Variants in PTPRE observed in about 807,000 individuals in gnomAD.
PTPRE encodes the protein receptor-type tyrosine-protein phosphatase epsilon.
PTPRE carries 51 observed loss-of-function variants against 102.0 expected under a neutral mutation model. That is an observed-to-expected ratio of 0.50 (90% CI 0.40 to 0.63). The LOEUF (loss-of-function observed/expected upper bound fraction) is 0.63, where lower values mean the gene tolerates loss of function less well. PTPRE is among the 30% of genes least tolerant of loss of function. PTPRE has a pLI of 0.00. For synonymous variants in PTPRE, 345 were observed against 348.2 expected (o/e 0.99, Z 0.10); for missense variants, 752 against 915.1 (o/e 0.82, Z 2.30).
intron 2 of PTPRE, among the ~76,000 whole-genome samples, chr10:127,994,525 C>A (rs1395431141): frequency 6.6e-6 from 1 of 152,164 alleles, no homozygotes; most frequent in South Asian, 2.1e-4. Flanking sequence ...GAGAGAGGCA[C>A]CCAGTGAATT....
At chr10:127,946,535 C>G (rs184164535) in intron 1 of PTPRE, among the ~76,000 whole-genome samples, 1 of 113,178 alleles carries the variant, frequency 8.8e-6, no homozygotes, top group Non-Finnish European at 2.0e-5. Flanking sequence ...CATCAGACCT[C>G]GCAGGCTGGC....
At chr10:128,081,557 C>T (rs1168359864) in intron 20 of PTPRE, among the ~76,000 whole-genome samples, 1 of 152,192 alleles carries the variant, frequency 6.6e-6, no homozygotes, top group South Asian at 2.1e-4. Flanking sequence ...CCAGACTGAG[C>T]CAGCTTTGAT....
chr10:128,049,010 G>T (rs1378194334), intron 5 of PTPRE, among the ~76,000 whole-genome samples: 1 of 152,122 alleles, frequency 6.6e-6, no homozygotes, highest in African/African-American at 2.4e-5. Context: ...AATGCCCCTT[G>T]TCACCCTCCC....
chr10:127,951,170 A>T (rs957014380), intron 1 of PTPRE, among the ~76,000 whole-genome samples: 1 of 152,220 alleles, frequency 6.6e-6, no homozygotes, highest in Non-Finnish European at 1.5e-5. Flanking sequence ...CTTTCAGGTC[A>T]ACTGCACAAA....
At chr10:128,060,628 T>G (rs1849501938) in intron 7 of PTPRE, among the ~76,000 whole-genome samples, 1 of 152,166 alleles carries the variant, frequency 6.6e-6, no homozygotes, top group Admixed American at 6.5e-5. Flanking sequence ...CCTGGCACAT[T>G]CTGCTATTCT....
intron 11 of PTPRE, 136 bp from the exon 12 acceptor site, chr10:128,067,987 A>T: frequency 3.1e-6 from 3 of 967,698 alleles, no homozygotes; most frequent in Non-Finnish European, 4.5e-6. Flanking sequence ...TGGCTCAGGC[A>T]GGCCCTCTGT....
At chr10:128,064,549 G>C (rs2135974148) in intron 10 of PTPRE, among the ~76,000 whole-genome samples, 1 of 152,304 alleles carries the variant, frequency 6.6e-6, no homozygotes, top group Admixed American at 6.5e-5. Flanking sequence ...GTGACCCATG[G>C]CCCATAGGGA....
chr10:127,988,850 A>T (rs1293042341), intron 2 of PTPRE, among the ~76,000 whole-genome samples: 1 of 152,230 alleles, frequency 6.6e-6, no homozygotes, highest in Non-Finnish European at 1.5e-5. Context: ...AAAACTGCTT[A>T]TTATGTTGCA....
At chr10:127,988,703 G>T (rs145987584) in intron 2 of PTPRE, among the ~76,000 whole-genome samples, 1 of 152,146 alleles carries the variant, frequency 6.6e-6, no homozygotes, top group African/African-American at 2.4e-5. Flanking sequence ...GGAGAGCAAG[G>T]GTTGAAAGAC....
At chr10:128,080,983 A>C (rs1851662977) in intron 20 of PTPRE, among the ~76,000 whole-genome samples, 1 of 152,082 alleles carries the variant, frequency 6.6e-6, no homozygotes, top group Non-Finnish European at 1.5e-5. Flanking sequence ...TTCTGTTCAC[A>C]AGGAGTGTTC....
intron 1 of PTPRE, among the ~76,000 whole-genome samples, chr10:127,922,454 G>T (rs933582187): frequency 7.2e-5 from 11 of 152,364 alleles, no homozygotes; most frequent in African/African-American, 2.6e-4. Context: ...ATCGAGGGCC[G>T]CTCTGAGGTC....
rs1443714204 is a variant in PTPRE at position 127,997,690 on chromosome 10, A to G, written c.-8+15394A>G. Among the ~76,000 whole-genome samples, 4 of 152,368 alleles carry G rather than the reference A, an allele frequency of 2.6e-5. No individual in the cohort carries two copies. The East Asian group carries it at 7.7e-4, about 29-fold the overall frequency. On this transcript the variant is annotated intron_variant, in intron 2 of 20. Transcript: ENST00000254667. ...GAACAAAGCATATTCAAAAATGAAT[A>G]TGGCAAAAGTTCAAATGAATGTGAA...
chr10:127,946,388 T>TTGCACCTGTGCACACTTGCTC lies in PTPRE; in HGVS notation c.-30-35886_-30-35885insTGCACCTGTGCACACTTGCTC, dbSNP rs1554896648. Among the ~76,000 whole-genome samples, 589 of 148,766 alleles carry TTGCACCTGTGCACACTTGCTC rather than the reference T, an allele frequency of 4.0e-3. 8 individuals carry two copies. Among genetic ancestry groups the TTGCACCTGTGCACACTTGCTC allele is most frequent in the South Asian group, 8.1e-3 (37 of 4,554 alleles). ...ATTTTGGGGCAAATAAGTAAGGATA[T>TTGCACCTGTGCACACTTGCTC]ATATACAAGGATGTTTATTGCGGCA... is the stretch of plus-strand genomic sequence containing the variant. On this transcript the variant is annotated intron_variant, in intron 1 of 20. Coordinates refer to ENST00000254667, the MANE Select transcript of PTPRE (RefSeq NM_006504.6).
chr10:128,072,111 TA>T (rs1181337315), intron 15 of PTPRE, 26 bp from the exon 16 acceptor site: 1 of 1,605,016 alleles, frequency 6.2e-7, no homozygotes, highest in Non-Finnish European at 8.5e-7. Flanking sequence ...CTTTTTGTAA[TA>T]ACTAAAGGAA....
chr10:128,070,738 T>G lies in PTPRE; in HGVS notation c.1294-70T>G, dbSNP rs1032572023. 6.4e-5 allele frequency: 97 copies of G among 1,507,576 alleles called. No homozygotes were observed. The highest frequency in any genetic ancestry group is 8.5e-5 in the Non-Finnish European group (93 of 1,093,712). The allele number at this position is 1,507,576 out of a possible 1,614,324, so 93.4% of individuals were successfully genotyped here. A position where few individuals can be genotyped will look rare whatever the true frequency, so the allele number is the denominator to read the frequency against. On this transcript the variant is annotated intron_variant, in intron 14 of 20. Transcript: ENST00000254667. The surrounding 1 kb of genome is among the most constrained non-coding windows in gnomAD (Gnocchi z 4.8). ...CAGGCGTCCTTGCCAGCAGCACTAGTCCTCGGCTGAGCAATGTGCTCAGGA... is the reference window on the plus strand; with the variant it reads ...CAGGCGTCCTTGCCAGCAGCACTAGGCCTCGGCTGAGCAATGTGCTCAGGA...
intron 1 of PTPRE, among the ~76,000 whole-genome samples, chr10:127,927,493 G>A (rs1226454625): frequency 1.3e-5 from 2 of 152,194 alleles, no homozygotes; most frequent in African/African-American, 4.8e-5. Flanking sequence ...CAAAACCAAT[G>A]CTCAGAGATG....
At chr10:128,038,200 G>A (rs1847390805) in intron 2 of PTPRE, among the ~76,000 whole-genome samples, 1 of 152,184 alleles carries the variant, frequency 6.6e-6, no homozygotes, top group South Asian at 2.1e-4. Context: ...AATGGCCAGG[G>A]ACTGGCAAGT....
At chr10:127,971,239 C>T (rs1850705284) in intron 1 of PTPRE, among the ~76,000 whole-genome samples, 1 of 152,226 alleles carries the variant, frequency 6.6e-6, no homozygotes, top group African/African-American at 2.4e-5. Context: ...TGGTTCACTT[C>T]AAACATTCAC....
intron 2 of PTPRE, among the ~76,000 whole-genome samples, chr10:128,039,331 C>T (rs2135789526): frequency 6.6e-6 from 1 of 152,300 alleles, no homozygotes; most frequent in South Asian, 2.1e-4. Context: ...GGCCAGTTCT[C>T]TATCCTTCGG....
Sources: allele counts gnomAD v4.1 joint callset (sites outside exome capture counted in the v4.1 genomes callset), GRCh38; gene constraint gnomAD v4.1.1; non-coding constraint Gnocchi (gnomAD v3.1); transcripts MANE v1.5; gene names NCBI Gene and HGNC (gene_info 2026-07-23, HGNC 2026-07-21).